Variants in BOC observed in about 807,000 individuals in gnomAD.
The protein encoded by BOC is BOC cell adhesion associated, oncogene regulated.
In BOC, 76 loss-of-function variants were observed where a neutral mutation model predicts 112.0. The ratio of observed to expected loss-of-function variants is 0.68; its 90% CI spans 0.56 to 0.82. The LOEUF is 0.82. BOC is among the 40% of genes least tolerant of loss of function. The probability of loss-of-function intolerance (pLI) is 0.00; values close to 1 mark genes in which losing one functional copy is unlikely to be tolerated. For missense variants in BOC, 1,309 were observed against 1,511.7 expected (o/e 0.87, Z 2.22); for synonymous variants, 580 against 599.8 (o/e 0.97, Z 0.48).
chr3:113,233,297 G>A (rs552063343), intron 2 of BOC, among the ~76,000 whole-genome samples: 1 of 152,088 alleles, frequency 6.6e-6, no homozygotes, highest in South Asian at 2.1e-4. Context: ...CCGGGTCACA[G>A]CACCTGAGAC....
chr3:113,249,708 C>A lies in BOC; in HGVS notation c.-81-14C>A. ...TCATCATGGCCATTGCTCTCCCTTTCTCTCTTACAACAGAGTGTTGCCAGG... is the reference window on the plus strand; with the variant it reads ...TCATCATGGCCATTGCTCTCCCTTTATCTCTTACAACAGAGTGTTGCCAGG... On this transcript the variant is annotated splice_polypyrimidine_tract_variant and intron_variant, in intron 2 of 19. Transcript: ENST00000682979. 9.6e-7 allele frequency: 1 copy of A among 1,045,584 alleles called. No individual in the cohort carries two copies. Among genetic ancestry groups the A allele is most frequent in the South Asian group, 1.6e-5 (1 of 61,954 alleles). 64.8% of individuals were successfully genotyped at this position (1,045,584 alleles called of 1,614,324 possible).
At chr3:113,214,255 C>A (rs1020761570) in intron 1 of BOC, among the ~76,000 whole-genome samples, 4 of 152,192 alleles carry the variant, frequency 2.6e-5, no homozygotes, top group Non-Finnish European at 5.9e-5. Flanking sequence ...CAGAGATTTT[C>A]CCTTTTTTTG....
At position 113,272,655 on chromosome 3, in the gene BOC, G is replaced by A. The variant is rs1455491532; in HGVS notation, c.913G>A (p.Val305Ile). Residue 305 changes from valine (V) to isoleucine (I), a missense_variant, in exon 7 of 20, where the codon GTT becomes ATT. Val to Ile is a conservative substitution (Grantham distance 29). Coordinates refer to ENST00000682979, the MANE Select transcript of BOC (RefSeq NM_001378074.1). The stretch of plus-strand genomic sequence containing the variant: ...CTACCGCTGCATGGCCGACAATGGG[G>A]TTGGGCAGCCCGGGGCAGCGGTCAT... ...GTYRCMADNGVGQPGAAVILY... is the reference protein window; with the variant it reads ...GTYRCMADNGIGQPGAAVILY... 6.2e-7 allele frequency: 1 copy of A among 1,613,980 alleles called. No individual in the cohort carries two copies. The highest frequency in any genetic ancestry group is 8.5e-7 in the Non-Finnish European group (1 of 1,180,010).
intron 4 of BOC, 56 bp downstream of exon 4, chr3:113,250,889 C>T (rs1388562560): frequency 6.3e-7 from 1 of 1,589,220 alleles, no homozygotes; most frequent in Non-Finnish European, 8.6e-7. Context: ...ATCTCTCCCA[C>T]CCTGAAGCCC....
chr3:113,253,677 C>T (rs939618207), intron 4 of BOC, among the ~76,000 whole-genome samples: 1 of 152,168 alleles, frequency 6.6e-6, no homozygotes, highest in African/African-American at 2.4e-5. Flanking sequence ...AATGTCCCCT[C>T]ATGCCCCTTC....
In BOC at chr3:113,279,332, G is replaced by A. The variant is rs769615254; in HGVS notation, c.1900G>A (p.Gly634Arg). 6.2e-7 allele frequency: 1 copy of A among 1,614,168 alleles called. No individual in the cohort carries two copies. The highest frequency in any genetic ancestry group is 8.5e-7 in the Non-Finnish European group (1 of 1,180,014). ...YVTWIPRGNG[G>R]FPIQSFRVEY... is the part of the protein sequence containing the mutation. The stretch of plus-strand genomic sequence containing the variant: ...GACCTGGATTCCCCGTGGGAATGGT[G>A]GGTTCCCAATCCAGTCCTTCCGTGT... Residue 634 changes from glycine to arginine, a missense_variant, in exon 12 of 20, where the codon GGG becomes AGG. By Grantham distance (125) the Gly-to-Arg change is moderately radical. Coordinates refer to ENST00000682979, the MANE Select transcript of BOC (RefSeq NM_001378074.1).
intron 2 of BOC, among the ~76,000 whole-genome samples, chr3:113,239,157 T>C (rs956112580): frequency 1.3e-5 from 2 of 152,246 alleles, no homozygotes; most frequent in Non-Finnish European, 2.9e-5. Flanking sequence ...ATGTTGAAAT[T>C]ATAAATTTTG....
At chr3:113,254,995 C>T (rs1219420040) in intron 4 of BOC, among the ~76,000 whole-genome samples, 2 of 152,182 alleles carry the variant, frequency 1.3e-5, no homozygotes, top group African/African-American at 4.8e-5. Flanking sequence ...TCTCTCCCTC[C>T]CTCCACCCCA....
At chr3:113,212,473 G>A (rs966614311) in intron 1 of BOC, 7 of 152,260 alleles carry the variant, frequency 4.6e-5, no homozygotes, top group African/African-American at 1.7e-4. Context: ...CCCGAGGCGT[G>A]GCGGCAAATG....
At position 113,287,262 on chromosome 3, in the gene BOC, G is replaced by T; in HGVS notation, c.*400G>T. ...GCAAGGGGCACGGTATCACAGCCTGGAGACACCCACACAGATGGCTGGATC... is the reference window on the plus strand; with the variant it reads ...GCAAGGGGCACGGTATCACAGCCTGTAGACACCCACACAGATGGCTGGATC... On this transcript the variant is annotated 3_prime_UTR_variant, in exon 20 of 20. Coordinates refer to ENST00000682979, the MANE Select transcript of BOC (RefSeq NM_001378074.1). The T allele has an allele frequency of 2.9e-6, 1 of 341,924 alleles. No homozygotes were observed. The highest frequency in any genetic ancestry group is 7.7e-5 in the East Asian group (1 of 12,934). 21.2% of individuals were successfully genotyped at this position (341,924 alleles called of 1,614,324 possible).
Position 113,284,539 on chromosome 3 carries a change from A to T in BOC, c.2861A>T (p.Gln954Leu), listed in dbSNP as rs376524712. The T allele has an allele frequency of 6.2e-7, 1 of 1,613,802 alleles. No homozygotes were observed. Among genetic ancestry groups the T allele is most frequent in the African/African-American group, 1.3e-5 (1 of 75,048 alleles). The stretch of plus-strand genomic sequence containing the variant: ...GTGGGCTACCCGGGCATGAAGCCCC[A>T]GCAGCACTGCCCAGGCGAGCTTCAG... Reference protein sequence around the residue: ...AAVGYPGMKPQQHCPGELQQQ... With the variant: ...AAVGYPGMKPLQHCPGELQQQ... The change falls in exon 17 of 20, where the codon CAG (glutamine) becomes CTG (leucine). Residue 954 changes from glutamine to leucine, a missense_variant. By Grantham distance (113) the Gln-to-Leu change is moderately radical. Transcript: ENST00000682979.
chr3:113,277,746 CAGA>C (rs1187077354), intron 9 of BOC, among the ~76,000 whole-genome samples: 1 of 152,212 alleles, frequency 6.6e-6, no homozygotes, highest in Non-Finnish European at 1.5e-5. Context: ...GGTTTACATA[CAGA>C]AGGAGAAAGA....
chr3:113,224,182 G>A (rs1941259832), intron 2 of BOC, among the ~76,000 whole-genome samples: 1 of 152,232 alleles, frequency 6.6e-6, no homozygotes, highest in Non-Finnish European at 1.5e-5. Context: ...GTGGTGGCAG[G>A]CCACAGATCC....
Position 113,279,694 on chromosome 3 carries a change from A to G in BOC, c.2024-130A>G, listed in dbSNP as rs956217897. ...TCTGACAGTGGCGGGTGTTCTTGTG[A>G]GGCCTTTGAGAACTTGCTTTGGGGA... On this transcript the variant is annotated intron_variant, in intron 12 of 19. Coordinates refer to ENST00000682979, the MANE Select transcript of BOC (RefSeq NM_001378074.1). 3.2e-5 allele frequency: 32 copies of G among 996,258 alleles called. 1 individual carries two copies. In the East Asian group the frequency reaches 3.6e-4, roughly 11 times the overall value. 61.7% of individuals were successfully genotyped at this position (996,258 alleles called of 1,614,324 possible). A position where few individuals can be genotyped will look rare whatever the true frequency, so the allele number is the denominator to read the frequency against.
chr3:113,253,810 T>A (rs1295405301), intron 4 of BOC, among the ~76,000 whole-genome samples: 1 of 152,178 alleles, frequency 6.6e-6, no homozygotes, highest in Non-Finnish European at 1.5e-5. Flanking sequence ...AGTTGTTGAT[T>A]ATTGCAAATG....
Position 113,284,859 on chromosome 3 carries a change from G to GT in BOC, c.2966+2dup. On this transcript the variant is annotated splice_donor_variant, in intron 18 of 19. Coordinates refer to ENST00000682979, the MANE Select transcript of BOC (RefSeq NM_001378074.1). LOFTEE classifies it high-confidence loss of function. ...ACCCCCAAAGTCACCAGATCACGAG[G>GT]TAACCAGGCCTCTCCCCTTTCACTC... is the stretch of plus-strand genomic sequence containing the variant. 2 of 1,613,988 alleles carry GT rather than the reference G, an allele frequency of 1.2e-6. No homozygotes were observed. The highest frequency in any genetic ancestry group is 1.7e-6 in the Non-Finnish European group (2 of 1,179,858).
chr3:113,268,279 A>G lies in BOC; in HGVS notation c.377-20A>G. 6.2e-7 allele frequency: 1 copy of G among 1,613,814 alleles called. No homozygotes were observed. Among genetic ancestry groups the G allele is most frequent in the Non-Finnish European group, 8.5e-7 (1 of 1,179,880 alleles). ...TTTGCTCTGCTGTCCTCCAACCAGC[A>G]CCTTCCCTTCTCTTCACAGATCTCC... On this transcript the variant is annotated intron_variant, in intron 4 of 19. Transcript: ENST00000682979.
At chr3:113,272,355 C>T in intron 6 of BOC, 55 bp from the exon 7 acceptor site, 2 of 1,580,702 alleles carry the variant, frequency 1.3e-6, no homozygotes, top group East Asian at 4.5e-5. Flanking sequence ...TGGGCATGCT[C>T]TACAGGACAT....
intron 15 of BOC, among the ~76,000 whole-genome samples, chr3:113,282,517 A>G (rs1949287336): frequency 6.6e-6 from 1 of 152,208 alleles, no homozygotes; most frequent in South Asian, 2.1e-4. Context: ...GGAACAAGGT[A>G]AAACCACTTG....
Sources: allele counts gnomAD v4.1 joint callset (sites outside exome capture counted in the v4.1 genomes callset), GRCh38; gene constraint gnomAD v4.1.1; transcripts MANE v1.5; gene names NCBI Gene and HGNC (gene_info 2026-07-23, HGNC 2026-07-21).